The following ARFGEF2 variants were observed in gnomAD, a reference collection of about 807,000 sequenced individuals.
ARFGEF2 encodes ARF guanine nucleotide exchange factor 2, also known as brefeldin A-inhibited guanine nucleotide-exchange protein 2.
In ARFGEF2, 74 loss-of-function variants were observed where a neutral mutation model predicts 219.9. That is an observed-to-expected ratio of 0.34 (90% confidence interval 0.28 to 0.41). The LOEUF is 0.41. Among genes scored for constraint, ARFGEF2 ranks in the 10% least tolerant of loss-of-function variants. The probability of loss-of-function intolerance (pLI) is 1.00; values close to 1 mark genes in which losing one functional copy is unlikely to be tolerated. For synonymous variants in ARFGEF2, 733 were observed against 799.2 expected (o/e 0.92, Z 1.40); for missense variants, 1,743 against 2,218.3 (o/e 0.79, Z 4.30).
At chr20:48,980,884 G>GT (rs2091291667) in intron 14 of ARFGEF2, among the ~76,000 whole-genome samples, 1 of 152,146 alleles carries the variant, frequency 6.6e-6, no homozygotes, top group South Asian at 2.1e-4. Context: ...GTCTCTGCAC[G>GT]TGAGATGGGT....
chr20:49,016,150 C>T, intron 30 of ARFGEF2, 130 bp from the exon 31 acceptor site: 2 of 951,408 alleles, frequency 2.1e-6, no homozygotes, highest in South Asian at 1.4e-5. Context: ...AATGTATTAA[C>T]ATTTTTAAGA....
chr20:48,962,833 T>C (rs922641753), intron 6 of ARFGEF2, among the ~76,000 whole-genome samples: 2 of 152,202 alleles, frequency 1.3e-5, no homozygotes, highest in African/African-American at 4.8e-5. Flanking sequence ...TTGAAAATTC[T>C]CATTAATACA....
intron 14 of ARFGEF2, among the ~76,000 whole-genome samples, chr20:48,983,014 C>T (rs904519788): frequency 1.3e-5 from 2 of 152,224 alleles, no homozygotes; most frequent in African/African-American, 2.4e-5. Context: ...CACTGTCCAA[C>T]CAGTCCCAGT....
intron 20 of ARFGEF2, 38 bp downstream of exon 20, chr20:48,989,722 G>T (rs748933090): frequency 1.9e-6 from 3 of 1,613,296 alleles, no homozygotes; most frequent in South Asian, 1.1e-5. Context: ...GATACTGGTG[G>T]GTTGTGCTCT....
rs376959016 is a variant in ARFGEF2, at chr20:48,970,240, A to G, written c.1191-880A>G. Among the ~76,000 whole-genome samples, 7 of 152,296 alleles carry G rather than the reference A, an allele frequency of 4.6e-5. No individual in the cohort carries two copies. In the East Asian group the frequency reaches 1.2e-3, roughly 25 times the overall value. On this transcript the variant is annotated intron_variant, in intron 9 of 38. Coordinates refer to ENST00000371917, the MANE Select transcript of ARFGEF2 (RefSeq NM_006420.3). ...TGAGGCAAGAGAATCGCTTGAACCC[A>G]GGAGGCAGAGGTTGCAGTGAGCTGA... is the stretch of plus-strand genomic sequence containing the variant.
chr20:49,023,804 C>T (rs2091583950), intron 35 of ARFGEF2, among the ~76,000 whole-genome samples: 2 of 152,012 alleles, frequency 1.3e-5, no homozygotes, highest in African/African-American at 4.8e-5. Flanking sequence ...TCCCAAAGTG[C>T]TGGGATTACA....
chr20:48,972,234 G>C, intron 10 of ARFGEF2, 92 bp from the exon 11 acceptor site: 1 of 879,612 alleles, frequency 1.1e-6, no homozygotes. Context: ...TTTACTTACT[G>C]CACGACTGGG....
At chr20:48,936,713 G>T (rs1355772033) in intron 1 of ARFGEF2, among the ~76,000 whole-genome samples, 1 of 152,076 alleles carries the variant, frequency 6.6e-6, no homozygotes, top group Admixed American at 6.5e-5. Flanking sequence ...TTTTAGTAGA[G>T]ATGGGGTTTC....
intron 9 of ARFGEF2, among the ~76,000 whole-genome samples, chr20:48,969,527 A>T (rs573910236): frequency 9.8e-5 from 15 of 152,380 alleles, no homozygotes; most frequent in African/African-American, 3.4e-4. Flanking sequence ...ATGCTAAAAA[A>T]GTCTGTTTAT....
rs897101971 is a variant in ARFGEF2 at position 48,985,334 on chromosome 20, C to A, written c.2071-74C>A. Reference sequence around the variant, plus strand: ...TTAGGGCCAGGCTATTCTGACTCCACCCTTTGGCTGCTGGCTTTTGCTGAG... The same window carrying A: ...TTAGGGCCAGGCTATTCTGACTCCAACCTTTGGCTGCTGGCTTTTGCTGAG... On this transcript the variant is annotated intron_variant, in intron 15 of 38. Coordinates refer to ENST00000371917, the MANE Select transcript of ARFGEF2 (RefSeq NM_006420.3). The A allele has an allele frequency of 1.2e-5, 18 of 1,521,402 alleles. No homozygotes were observed. In the Admixed American group the frequency reaches 2.9e-4, roughly 24 times the overall value. 94.2% of individuals were successfully genotyped at this position (1,521,402 alleles called of 1,614,324 possible). A position where few individuals can be genotyped will look rare whatever the true frequency, so the allele number is the denominator to read the frequency against.
intron 6 of ARFGEF2, among the ~76,000 whole-genome samples, chr20:48,958,888 C>T (rs1051785902): frequency 6.6e-6 from 1 of 152,084 alleles, no homozygotes; most frequent in African/African-American, 2.4e-5. Context: ...GGAAGGGAGT[C>T]GATTGGGAGT....
At chr20:48,969,004 A>T in intron 8 of ARFGEF2, 143 bp from the exon 9 acceptor site, 3 of 758,856 alleles carry the variant, frequency 4.0e-6, no homozygotes, top group Non-Finnish European at 4.7e-6. Context: ...TATGTTCCCC[A>T]GATTGGAGTG....
At position 48,983,946 on chromosome 20, in the gene ARFGEF2, G is replaced by A. The variant is rs75542699; in HGVS notation, c.1959-783G>A. ...AATAAAAAATGGGCTGGGCATGGTG[G>A]CTCATGCCCGTTATCCCAGCACGTT... On this transcript the variant is annotated intron_variant, in intron 14 of 38. Coordinates refer to ENST00000371917, the MANE Select transcript of ARFGEF2 (RefSeq NM_006420.3). Among the ~76,000 whole-genome samples the A allele has an allele frequency of 9.2e-3, 1,405 of 152,050 alleles. 27 individuals carry two copies. Among genetic ancestry groups the A allele is most frequent in the African/African-American group, 0.033 (1,359 of 41,416 alleles).
intron 21 of ARFGEF2, 116 bp downstream of exon 21, chr20:48,991,314 C>T: frequency 7.0e-7 from 1 of 1,428,336 alleles, no homozygotes; most frequent in South Asian, 1.2e-5. Context: ...CACTGTACCT[C>T]ATGTATCTGG....
intron 18 of ARFGEF2, 145 bp from the exon 19 acceptor site, chr20:48,989,140 A>T (rs1195980516): frequency 2.0e-5 from 19 of 964,116 alleles, no homozygotes; most frequent in Non-Finnish European, 2.7e-5. Context: ...CATCTGTAAA[A>T]TGGTAATAAT....
intron 27 of ARFGEF2, 117 bp from the exon 28 acceptor site, chr20:49,011,802 AGATTT>A: frequency 8.4e-7 from 1 of 1,191,156 alleles, no homozygotes; most frequent in Non-Finnish European, 1.2e-6. Flanking sequence ...TGCTTTTCTT[AGATTT>A]TCACAGTTAA....
chr20:48,966,331 C>T (rs1028994857), intron 8 of ARFGEF2, among the ~76,000 whole-genome samples: 6 of 152,022 alleles, frequency 3.9e-5, no homozygotes, highest in Admixed American at 3.3e-4. Context: ...ATATAGTTAC[C>T]CGTCTTTCCT....
At chr20:48,936,171 G>C (rs2090953535) in intron 1 of ARFGEF2, among the ~76,000 whole-genome samples, 1 of 138,388 alleles carries the variant, frequency 7.2e-6, no homozygotes, top group Non-Finnish European at 1.6e-5. Context: ...CCGGGCAGAG[G>C]GGCTCCTCAC....
chr20:48,943,961 C>T (rs1160098647), intron 3 of ARFGEF2, among the ~76,000 whole-genome samples: 1 of 152,184 alleles, frequency 6.6e-6, no homozygotes, highest in African/African-American at 2.4e-5. Flanking sequence ...TACCAAGGCA[C>T]AGGACTGCAA....
Sources: allele counts gnomAD v4.1 joint callset (sites outside exome capture counted in the v4.1 genomes callset), GRCh38; gene constraint gnomAD v4.1.1; transcripts MANE v1.5; gene names NCBI Gene and HGNC (gene_info 2026-07-23, HGNC 2026-07-21).